PRKCE: variants seen among roughly 807,000 people sequenced by gnomAD.
The protein encoded by PRKCE is protein kinase C epsilon type.
PRKCE carries 16 observed loss-of-function variants against 85.4 expected under a neutral mutation model. The ratio of observed to expected loss-of-function variants is 0.19; its 90% CI spans 0.13 to 0.28. The LOEUF (loss-of-function observed/expected upper bound fraction) is 0.28. Ranked by LOEUF, PRKCE falls within the 10% of genes least tolerant of loss-of-function variation. PRKCE has a pLI of 1.00. For synonymous variants in PRKCE, 388 were observed against 371.5 expected, an observed-to-expected ratio of 1.04 and a Z score of -0.51; for missense variants, 573 against 975.2, an observed-to-expected ratio of 0.59 and a Z score of 5.49.
At chr2:45,701,929 A>C (rs1678676136) in intron 1 of PRKCE, among the ~76,000 whole-genome samples, 2 of 152,170 alleles carry the variant, frequency 1.3e-5, no homozygotes, top group African/African-American at 4.8e-5. Context: ...GCGGTGGCTC[A>C]CACCTGTAAT....
chr2:45,765,126 C>G (rs562980318), intron 1 of PRKCE, among the ~76,000 whole-genome samples: 1 of 152,170 alleles, frequency 6.6e-6, no homozygotes, highest in Non-Finnish European at 1.5e-5. Context: ...ATGGAGGAAA[C>G]GCTTTACCCT....
At chr2:46,071,793 C>T (rs1164457498) in intron 10 of PRKCE, among the ~76,000 whole-genome samples, 1 of 152,194 alleles carries the variant, frequency 6.6e-6, no homozygotes, top group Non-Finnish European at 1.5e-5. Context: ...ATCAAAGCTT[C>T]CACCCAGTCC....
chr2:46,178,518 A>T (rs983779813), intron 14 of PRKCE, among the ~76,000 whole-genome samples: 5 of 152,250 alleles, frequency 3.3e-5, no homozygotes, highest in Non-Finnish European at 7.3e-5. Context: ...TATTTCATTT[A>T]ACTTCACACA....
intron 1 of PRKCE, among the ~76,000 whole-genome samples, chr2:45,824,713 C>T (rs888866266): frequency 2.6e-5 from 4 of 152,090 alleles, no homozygotes; most frequent in African/African-American, 9.7e-5. Context: ...CACCCAGTTT[C>T]AATAGTTGTG....
At chr2:45,704,884 G>C in intron 1 of PRKCE, among the ~76,000 whole-genome samples, 1 of 152,324 alleles carries the variant, frequency 6.6e-6, no homozygotes, top group East Asian at 1.9e-4. Context: ...GGGGTCATGA[G>C]AATAGTCTTG....
chr2:46,184,713 A>G lies in PRKCE; in HGVS notation c.2068-22A>G. 1.9e-6 allele frequency: 3 copies of G among 1,598,486 alleles called. No individual in the cohort carries two copies. Among genetic ancestry groups the G allele is most frequent in the Non-Finnish European group, 2.5e-6 (3 of 1,179,278 alleles). On this transcript the variant is annotated intron_variant, in intron 14 of 14. Coordinates refer to ENST00000306156, the MANE Select transcript of PRKCE (RefSeq NM_005400.3). The surrounding 1 kb of genome is among the most constrained non-coding windows in gnomAD (Gnocchi z 5.0). ...GGAGGGAGAGCAGCCTCAACTCACC[A>G]CTTTCTCTTTTCTTCCCACAGAAAA...
chr2:45,942,566 T>A (rs1699961771), intron 2 of PRKCE, among the ~76,000 whole-genome samples: 1 of 152,224 alleles, frequency 6.6e-6, no homozygotes. Context: ...CAGCAGGGGA[T>A]GGCGTAGGGT....
At chr2:45,989,061 C>A (rs1015965496) in intron 6 of PRKCE, among the ~76,000 whole-genome samples, 2 of 152,194 alleles carry the variant, frequency 1.3e-5, no homozygotes, top group African/African-American at 4.8e-5. Context: ...CTGAAGTCAT[C>A]GGGCACCAAG....
intron 13 of PRKCE, among the ~76,000 whole-genome samples, chr2:46,153,364 T>C (rs1000688610): frequency 6.6e-6 from 1 of 152,198 alleles, no homozygotes; most frequent in African/African-American, 2.4e-5. Flanking sequence ...TGCCAGGCGC[T>C]GGTGATACAA....
At chr2:45,665,278 T>C (rs928304936) in intron 1 of PRKCE, among the ~76,000 whole-genome samples, 6 of 152,342 alleles carry the variant, frequency 3.9e-5, no homozygotes, top group Non-Finnish European at 7.3e-5. Flanking sequence ...CTTTAAAACA[T>C]TCAGAATTCA....
At chr2:45,988,755 A>C (rs1295609611) in intron 6 of PRKCE, among the ~76,000 whole-genome samples, 1 of 152,224 alleles carries the variant, frequency 6.6e-6, no homozygotes, top group African/African-American at 2.4e-5. Flanking sequence ...TAAACAGTCC[A>C]GAAATCAGCT....
chr2:45,683,394 G>C (rs766327199), intron 1 of PRKCE, among the ~76,000 whole-genome samples: 1 of 152,248 alleles, frequency 6.6e-6, no homozygotes, highest in Non-Finnish European at 1.5e-5. Context: ...CATAGGAGCA[G>C]AACTATTTTC....
At chr2:45,674,838 T>C (rs1676346274) in intron 1 of PRKCE, 1 of 151,938 alleles carries the variant, frequency 6.6e-6, no homozygotes, top group African/African-American at 2.4e-5. Context: ...CCTTGAGGAG[T>C]TTATGAGAAT....
intron 1 of PRKCE, among the ~76,000 whole-genome samples, chr2:45,737,108 T>C (rs369854541): frequency 3.3e-5 from 5 of 152,034 alleles, no homozygotes; most frequent in South Asian, 4.2e-4. Context: ...CAGCATGGGG[T>C]TGGGGGCTGG....
intron 2 of PRKCE, among the ~76,000 whole-genome samples, chr2:45,936,951 G>A (rs1046974814): frequency 1.3e-5 from 2 of 152,282 alleles, no homozygotes; most frequent in East Asian, 3.9e-4. Flanking sequence ...TTCAGACTGT[G>A]ACATTGAATT....
chr2:45,770,272 G>A (rs13404973), intron 1 of PRKCE, among the ~76,000 whole-genome samples: 30,300 of 152,110 alleles, frequency 0.2, 3,409 homozygotes, highest in Middle Eastern at 0.34. Flanking sequence ...TGGAAATACT[G>A]TAGGGATGCA....
At position 46,163,896 on chromosome 2, in the gene PRKCE, C is replaced by T. The variant is rs149197336; in HGVS notation, c.2067+4144C>T. Reference sequence around the variant, plus strand: ...CAGAGGCCACGGGAAAGGTGAGGTGCACCCCACAGAGGCCACTGAGAGACA... The same window carrying T: ...CAGAGGCCACGGGAAAGGTGAGGTGTACCCCACAGAGGCCACTGAGAGACA... On this transcript the variant is annotated intron_variant, in intron 14 of 14. Transcript: ENST00000306156. Among the ~76,000 whole-genome samples the T allele has an allele frequency of 5.3e-3, 690 of 131,362 alleles. 3 individuals are homozygous for T. The highest frequency in any genetic ancestry group is 6.8e-3 in the Non-Finnish European group (422 of 62,382). 86.2% of individuals were successfully genotyped at this position (131,362 alleles called of 152,430 possible).
intron 1 of PRKCE, chr2:45,840,493 A>C (rs770235510): frequency 7.9e-5 from 12 of 152,320 alleles, no homozygotes; most frequent in Admixed American, 4.6e-4. Context: ...CAGCATGCGG[A>C]ATTACCAGTT....
Position 45,984,610 on chromosome 2 carries a change from G to A in PRKCE, c.753G>A (p.Lys251=), listed in dbSNP as rs1291409715. Reference sequence around the variant, plus strand: ...ACAAGTTCGGTATCCACAACTACAAGGTCCCTACCTTCTGCGATCACTGTG... The same window carrying A: ...ACAAGTTCGGTATCCACAACTACAAAGTCCCTACCTTCTGCGATCACTGTG... ...MPHKFGIHNY[K]VPTFCDHCGS... The change falls in exon 6 of 15, where the codon AAG becomes AAA. Residue 251 remains lysine, a synonymous_variant. Transcript: ENST00000306156. 25 of 1,599,854 alleles carry A rather than the reference G, an allele frequency of 1.6e-5. No individual in the cohort carries two copies. The highest frequency in any genetic ancestry group is 2.0e-5 in the Non-Finnish European group (24 of 1,179,922).
Sources: allele counts gnomAD v4.1 joint callset (sites outside exome capture counted in the v4.1 genomes callset), GRCh38; gene constraint gnomAD v4.1.1; non-coding constraint Gnocchi (gnomAD v3.1); transcripts MANE v1.5; gene names NCBI Gene and HGNC (gene_info 2026-07-23, HGNC 2026-07-21).